Variants in ANP32A observed in about 807,000 individuals in gnomAD.
The protein encoded by ANP32A is acidic leucine-rich nuclear phosphoprotein 32 family member A.
ANP32A carries 1 observed loss-of-function variant against 33.9 expected under a neutral mutation model. The observed-to-expected ratio is 0.03, with a 90% CI of 0.01 to 0.14. The LOEUF is 0.14. Among genes scored for constraint, ANP32A ranks in the 10% least tolerant of loss-of-function variants. ANP32A has a pLI of 1.00. For synonymous variants in ANP32A, 115 were observed against 120.5 expected (o/e 0.95, Z 0.30); for missense variants, 155 against 306.0 (o/e 0.51, Z 3.68).
intron 3 of ANP32A, among the ~76,000 whole-genome samples, chr15:68,786,663 T>C (rs904625215): frequency 1.3e-5 from 2 of 152,236 alleles, no homozygotes; most frequent in Non-Finnish European, 2.9e-5. Flanking sequence ...ATCTTACAGC[T>C]GATTTCCTTA....
At chr15:68,781,827 C>T (rs530165524) in intron 5 of ANP32A, among the ~76,000 whole-genome samples, 12 of 152,314 alleles carry the variant, frequency 7.9e-5, no homozygotes, top group African/African-American at 2.6e-4. Flanking sequence ...TGGTCTCGAT[C>T]TCCTGACCTC....
chr15:68,795,068 C>T (rs1280197134), intron 1 of ANP32A, among the ~76,000 whole-genome samples: 1 of 152,010 alleles, frequency 6.6e-6, no homozygotes, highest in Non-Finnish European at 1.5e-5. Flanking sequence ...GATTCGTTTC[C>T]CTGCAGCACA....
intron 1 of ANP32A, among the ~76,000 whole-genome samples, chr15:68,818,987 T>C (rs1315008096): frequency 6.6e-6 from 1 of 152,112 alleles, no homozygotes; most frequent in Non-Finnish European, 1.5e-5. Flanking sequence ...CTCCCCGCCC[T>C]GCGCGCCATA....
In ANP32A at chr15:68,780,184, C is replaced by A. The variant is rs762293748; in HGVS notation, c.689-42G>T. The A allele has an allele frequency of 6.2e-7, 1 of 1,610,484 alleles. No homozygotes were observed. Among genetic ancestry groups the A allele is most frequent in the South Asian group, 1.1e-5 (1 of 90,880 alleles). On this transcript the variant is annotated intron_variant, in intron 6 of 6. Transcript: ENST00000465139. The surrounding 1 kb of genome is among the most constrained non-coding windows in gnomAD (Gnocchi z 4.3). ...GCGGCATTTAGATTAGTTATTAATCCCACCTCTTTAACTCAACCCACCCAG... is the reference window on the plus strand; with the variant it reads ...GCGGCATTTAGATTAGTTATTAATCACACCTCTTTAACTCAACCCACCCAG...
Position 68,787,385 on chromosome 15 carries a change from C to A in ANP32A, c.327+28G>T, listed in dbSNP as rs576970700. 6 of 1,614,028 alleles carry A rather than the reference C, an allele frequency of 3.7e-6. No homozygotes were observed. The South Asian group carries it at 5.5e-5, about 15-fold the overall frequency. Reference sequence around the variant, plus strand: ...CAATTCCTCCCACCTCCTACCCCTGCAGGGAGGGGAGGGTCCGAATGACTT... The same window carrying A: ...CAATTCCTCCCACCTCCTACCCCTGAAGGGAGGGGAGGGTCCGAATGACTT... On this transcript the variant is annotated intron_variant, in intron 3 of 6. Coordinates refer to ENST00000465139, the MANE Select transcript of ANP32A (RefSeq NM_006305.4).
intron 1 of ANP32A, among the ~76,000 whole-genome samples, chr15:68,814,113 C>T (rs372219884): frequency 6.6e-6 from 1 of 152,210 alleles, no homozygotes. Flanking sequence ...TCGTGATCCA[C>T]CCGCCTCGGC....
At chr15:68,781,843 A>G (rs2140358603) in intron 5 of ANP32A, among the ~76,000 whole-genome samples, 1 of 152,164 alleles carries the variant, frequency 6.6e-6, no homozygotes, top group South Asian at 2.1e-4. Flanking sequence ...ACCTCAAGTG[A>G]TCCGCCCGCC....
At chr15:68,805,467 C>CA (rs1894205803) in intron 1 of ANP32A, among the ~76,000 whole-genome samples, 1 of 152,198 alleles carries the variant, frequency 6.6e-6, no homozygotes, top group Non-Finnish European at 1.5e-5. Context: ...CTAAATCTTT[C>CA]AAAGGGCTGA....
intron 1 of ANP32A, among the ~76,000 whole-genome samples, chr15:68,796,748 C>T (rs543695083): frequency 3.9e-5 from 6 of 152,326 alleles, no homozygotes; most frequent in African/African-American, 4.8e-5. Flanking sequence ...TCCGCCTTGC[C>T]GCTAACTTGC....
At chr15:68,814,545 T>C (rs1464782825) in intron 1 of ANP32A, among the ~76,000 whole-genome samples, 1 of 151,864 alleles carries the variant, frequency 6.6e-6, no homozygotes, top group Non-Finnish European at 1.5e-5. Flanking sequence ...AAAGAGGGAA[T>C]TGGGGCTGTG....
At chr15:68,795,288 C>T (rs1421494141) in intron 1 of ANP32A, among the ~76,000 whole-genome samples, 1 of 152,116 alleles carries the variant, frequency 6.6e-6, no homozygotes, top group Non-Finnish European at 1.5e-5. Flanking sequence ...AAAATCTCCC[C>T]AAGAAAAAAG....
intron 1 of ANP32A, among the ~76,000 whole-genome samples, chr15:68,818,841 A>C (rs1270445496): frequency 3.6e-5 from 5 of 138,844 alleles, no homozygotes; most frequent in South Asian, 5.1e-4. Context: ...CCCCATCACC[A>C]CACCCAGCCC....
intron 1 of ANP32A, among the ~76,000 whole-genome samples, chr15:68,818,783 A>T (rs1894428016): frequency 6.7e-6 from 1 of 149,778 alleles, no homozygotes; most frequent in Non-Finnish European, 1.5e-5. Flanking sequence ...CCCTCCGCGC[A>T]GGGGGCTTCC....
At chr15:68,793,221 C>T (rs1242285162) in intron 1 of ANP32A, among the ~76,000 whole-genome samples, 1 of 152,178 alleles carries the variant, frequency 6.6e-6, no homozygotes, top group East Asian at 1.9e-4. Flanking sequence ...GTTTATTGCG[C>T]CAGGTATAAC....
intron 1 of ANP32A, among the ~76,000 whole-genome samples, chr15:68,795,861 C>T (rs549461511): frequency 1.3e-5 from 2 of 152,316 alleles, no homozygotes; most frequent in Admixed American, 1.3e-4. Context: ...CCGCAGGAAG[C>T]CTTCCCTGAC....
chr15:68,798,691 T>C (rs1894092870), intron 1 of ANP32A, among the ~76,000 whole-genome samples: 1 of 152,148 alleles, frequency 6.6e-6, no homozygotes, highest in Non-Finnish European at 1.5e-5. Flanking sequence ...AATTAGCTGT[T>C]AGGAAGAGCC....
intron 1 of ANP32A, among the ~76,000 whole-genome samples, chr15:68,806,143 A>G (rs1725652954): frequency 6.6e-6 from 1 of 152,206 alleles, no homozygotes; most frequent in Non-Finnish European, 1.5e-5. Context: ...AACATCAGAC[A>G]GTAGTGGCCA....
chr15:68,784,687 A>G, intron 3 of ANP32A, 92 bp from the exon 4 acceptor site: 4 of 1,397,322 alleles, frequency 2.9e-6, no homozygotes, highest in South Asian at 2.4e-5. Flanking sequence ...GCCATGAGAT[A>G]GCATGCGCAG....
Position 68,784,407 on chromosome 15 carries a change from C to T in ANP32A, c.516G>A (p.Glu172=). The change falls in exon 4 of 7, where the codon GAG becomes GAA. Residue 172 remains glutamate (E), a synonymous_variant. Coordinates refer to ENST00000465139, the MANE Select transcript of ANP32A (RefSeq NM_006305.4). ...CACCCTGTCACCCACCATCCTCATC[C>T]TCCTCCTCATCATCCAGGCCCTCCA... The part of the protein sequence containing the change: ...GYVEGLDDEE[E]DEDEEEYDED... The T allele has an allele frequency of 6.2e-7, 1 of 1,613,858 alleles. No individual in the cohort carries two copies. The highest frequency in any genetic ancestry group is 8.5e-7 in the Non-Finnish European group (1 of 1,179,804).
Sources: gnomAD v4.1 joint callset for allele counts (sites outside exome capture counted in the v4.1 genomes callset) on GRCh38, gnomAD v4.1.1 for gene constraint, Gnocchi (gnomAD v3.1) non-coding constraint, MANE v1.5 for transcripts, NCBI Gene and HGNC (gene_info 2026-07-23, HGNC 2026-07-21) for gene names.